Variants in CTNNA2 observed in about 807,000 individuals in gnomAD.
The protein encoded by CTNNA2 is catenin alpha 2.
In CTNNA2, 42 loss-of-function variants were observed where a neutral mutation model predicts 101.0. The ratio of observed to expected loss-of-function variants is 0.42; its 90% CI spans 0.32 to 0.54. CTNNA2 has a LOEUF of 0.54. Ranked by LOEUF, CTNNA2 falls within the 20% of genes least tolerant of loss-of-function variation. CTNNA2 has a pLI of 0.14. For synonymous variants in CTNNA2, 450 were observed against 456.4 expected, an observed-to-expected ratio of 0.99 and a Z score of 0.18; for missense variants, 871 against 1,223.1, an observed-to-expected ratio of 0.71 and a Z score of 4.29.
chr2:79,652,615 A>C (rs568051216), intron 2 of CTNNA2, among the ~76,000 whole-genome samples: 30 of 152,154 alleles, frequency 2.0e-4, no homozygotes, highest in Admixed American at 1.4e-3. Flanking sequence ...GGTCCACCCA[A>C]ATACTCCAGA....
At chr2:80,417,444 C>A (rs1680144358) in intron 8 of CTNNA2, among the ~76,000 whole-genome samples, 1 of 151,598 alleles carries the variant, frequency 6.6e-6, no homozygotes, top group Non-Finnish European at 1.5e-5. Context: ...ATTGACTTTT[C>A]TTTGCCTATC....
intron 7 of CTNNA2, among the ~76,000 whole-genome samples, chr2:80,087,057 G>C (rs1335045208): frequency 6.6e-6 from 1 of 152,004 alleles, no homozygotes; most frequent in African/African-American, 2.4e-5. Flanking sequence ...AGACAGACCA[G>C]ATACCACTTA....
intron 2 of CTNNA2, among the ~76,000 whole-genome samples, chr2:79,661,945 T>C (rs926443062): frequency 2.0e-5 from 3 of 151,626 alleles, no homozygotes; most frequent in African/African-American, 7.3e-5. Flanking sequence ...GGACTGAAAA[T>C]ACTGAAATGG....
At chr2:80,446,738 T>A (rs191948666) in intron 9 of CTNNA2, among the ~76,000 whole-genome samples, 16 of 152,276 alleles carry the variant, frequency 1.1e-4, no homozygotes, top group African/African-American at 3.6e-4. Flanking sequence ...GAAAATTAAT[T>A]TTTGGAAATT....
intron 1 of CTNNA2, among the ~76,000 whole-genome samples, chr2:79,557,061 T>C (rs1972755): frequency 0.71 from 107,818 of 151,642 alleles, 38,433 homozygotes; most frequent in Middle Eastern, 0.76. Flanking sequence ...TCAGGGAACT[T>C]TTTCTCATAT....
chr2:79,189,631 C>T (rs1673825699), intron 1 of CTNNA2, among the ~76,000 whole-genome samples: 1 of 152,102 alleles, frequency 6.6e-6, no homozygotes, highest in Admixed American at 6.6e-5. Flanking sequence ...AACTACAGAC[C>T]ATCTGTGTTT....
rs575545510 is a variant in CTNNA2, at chr2:79,531,931, T to G, written c.-6+18724T>G. Among the ~76,000 whole-genome samples, 3 of 152,156 alleles carry G rather than the reference T, an allele frequency of 2.0e-5. No homozygotes were observed. In the South Asian group the frequency reaches 6.2e-4, roughly 32 times the overall value. ...TCCTGACCTCGTGATCTGCCCGCCT[T>G]GGCCTCCCAAAGTTCTGGGATTACA... is the stretch of plus-strand genomic sequence containing the variant. On this transcript the variant is annotated intron_variant, in intron 1 of 18. Coordinates refer to ENST00000402739, the MANE Select transcript of CTNNA2 (RefSeq NM_001282597.3).
chr2:79,435,668 C>A (rs189086100), intron 4 of CTNNA2, among the ~76,000 whole-genome samples: 1 of 152,182 alleles, frequency 6.6e-6, no homozygotes. Context: ...CATGACACTT[C>A]CACATGAGCC....
At chr2:79,481,037 C>A (rs768905666) in intron 4 of CTNNA2, among the ~76,000 whole-genome samples, 2 of 151,638 alleles carry the variant, frequency 1.3e-5, no homozygotes, top group Non-Finnish European at 2.9e-5. Flanking sequence ...TCTTTTATTT[C>A]AATGGAAATA....
In CTNNA2 at chr2:79,860,210, A is replaced by G. The variant is rs145872643; in HGVS notation, c.465+2031A>G. ...AGATAAGTCTTTCCACAGAAGGACA[A>G]TCTTCCTTTACCCCAGCAAGGAAAT... On this transcript the variant is annotated intron_variant, in intron 4 of 18. Transcript: ENST00000402739. 5.9e-5 allele frequency among the ~76,000 whole-genome samples: 9 copies of G among 152,338 alleles called. No individual in the cohort carries two copies. The East Asian group carries it at 1.7e-3, about 29-fold the overall frequency.
intron 12 of CTNNA2, among the ~76,000 whole-genome samples, chr2:80,564,513 T>G (rs1374516588): frequency 1.3e-5 from 2 of 151,498 alleles, no homozygotes; most frequent in East Asian, 1.9e-4. Flanking sequence ...TAGAGAGTTT[T>G]TTTTTTTTTT....
intron 7 of CTNNA2, among the ~76,000 whole-genome samples, chr2:80,236,872 AT>A (rs1303109098): frequency 6.6e-6 from 1 of 152,216 alleles, no homozygotes; most frequent in African/African-American, 2.4e-5. Flanking sequence ...GATGGCACCA[AT>A]TTATAGGCTC....
At chr2:79,857,470 A>T (rs947271298) in intron 3 of CTNNA2, among the ~76,000 whole-genome samples, 1 of 152,260 alleles carries the variant, frequency 6.6e-6, no homozygotes, top group East Asian at 1.9e-4. Context: ...TTCTCTTCTA[A>T]ATGTTTTCTA....
intron 2 of CTNNA2, among the ~76,000 whole-genome samples, chr2:79,281,695 C>T (rs947717121): frequency 2.0e-5 from 3 of 152,184 alleles, no homozygotes; most frequent in Admixed American, 6.5e-5. Context: ...AGTGAACTTT[C>T]TGAAACTACC....
chr2:79,901,332 G>T (rs1193243167), intron 6 of CTNNA2, among the ~76,000 whole-genome samples: 1 of 151,792 alleles, frequency 6.6e-6, no homozygotes, highest in Non-Finnish European at 1.5e-5. Flanking sequence ...CAGGTGGTAA[G>T]TGCCTGGTGT....
At chr2:79,380,535 T>C (rs1046979455) in intron 4 of CTNNA2, among the ~76,000 whole-genome samples, 8 of 152,164 alleles carry the variant, frequency 5.3e-5, no homozygotes, top group African/African-American at 9.7e-5. Context: ...GTGAATTCAG[T>C]TACTCTAAGC....
intron 9 of CTNNA2, among the ~76,000 whole-genome samples, chr2:80,444,086 C>G (rs1485349563): frequency 6.6e-6 from 1 of 152,160 alleles, no homozygotes. Flanking sequence ...TTCTACTCTC[C>G]CATAGCCTCT....
Position 80,280,551 on chromosome 2 carries a change from C to T in CTNNA2, c.1057-112660C>T, listed in dbSNP as rs189381141. ...CATACAATCTTGCGCTGATCTTACACACCTTTTATTTTTTACAGCCTGATA... is the reference window on the plus strand; with the variant it reads ...CATACAATCTTGCGCTGATCTTACATACCTTTTATTTTTTACAGCCTGATA... On this transcript the variant is annotated intron_variant, in intron 7 of 18. Transcript: ENST00000402739. 2.7e-3 allele frequency among the ~76,000 whole-genome samples: 411 copies of T among 151,976 alleles called. 1 individual carries two copies. Among genetic ancestry groups the T allele is most frequent in the African/African-American group, 9.4e-3 (392 of 41,500 alleles).
chr2:80,574,008 A>G (rs1694824254), intron 12 of CTNNA2, among the ~76,000 whole-genome samples, 155 bp from the exon 13 acceptor site: 1 of 152,142 alleles, frequency 6.6e-6, no homozygotes, highest in Non-Finnish European at 1.5e-5. Context: ...TGTCATAAAG[A>G]CTACTAAATT....
Sources: allele counts gnomAD v4.1 joint callset (sites outside exome capture counted in the v4.1 genomes callset), GRCh38; gene constraint gnomAD v4.1.1; transcripts MANE v1.5; gene names NCBI Gene and HGNC (gene_info 2026-07-23, HGNC 2026-07-21).